OTUD3: variants seen among roughly 807,000 people sequenced by gnomAD.
OTUD3 encodes the protein OTU deubiquitinase 3.
Under a neutral mutation model 46.2 loss-of-function variants are expected in OTUD3, and 24 were observed. The observed-to-expected ratio is 0.52, with a 90% CI of 0.38 to 0.73. The LOEUF (loss-of-function observed/expected upper bound fraction) is 0.73, where lower values mean the gene tolerates loss of function less well. Among genes scored for constraint, OTUD3 ranks in the 30% least tolerant of loss-of-function variants. OTUD3 has a pLI of 0.00. For synonymous variants in OTUD3, 189 were observed against 195.4 expected (o/e 0.97, Z 0.27); for missense variants, 455 against 523.3 (o/e 0.87, Z 1.27).
intron 7 of OTUD3, chr1:19,906,823 C>A: frequency 2.1e-6 from 1 of 469,110 alleles, no homozygotes; most frequent in Non-Finnish European, 3.8e-6. Context: ...GAAGGAAATA[C>A]ACCCTGAAAT....
rs1422018584 is a variant in OTUD3, at chr1:19,907,563, C to T, written c.1021-7C>T. 6.2e-6 allele frequency: 10 copies of T among 1,613,716 alleles called. No individual in the cohort carries two copies. The highest frequency in any genetic ancestry group is 1.3e-5 in the African/African-American group (1 of 74,910). On this transcript the variant is annotated splice_polypyrimidine_tract_variant and splice_region_variant and intron_variant, in intron 7 of 7. Transcript: ENST00000375120. Reference sequence around the variant, plus strand: ...TTCCTACTCACCACCATGGCCTTCTCTCTCAGGTCACAAACAAACAGAGGC... The same window carrying T: ...TTCCTACTCACCACCATGGCCTTCTTTCTCAGGTCACAAACAAACAGAGGC...
At position 19,911,762 on chromosome 1, in the gene OTUD3, A is replaced by G. The variant is rs931547385; in HGVS notation, c.*4016A>G. 1 of 152,212 alleles carries G rather than the reference A, an allele frequency of 6.6e-6. No individual in the cohort carries two copies. Among genetic ancestry groups the G allele is most frequent in the Middle Eastern group, 3.2e-3 (1 of 316 alleles). The allele number at this position is 152,212 out of a possible 1,614,324, so 9.4% of individuals were successfully genotyped here. ...CATAAATTACGACGTCTGCCATCGCATATTAGAAAGGGGACAGTCATATTT... is the reference window on the plus strand; with the variant it reads ...CATAAATTACGACGTCTGCCATCGCGTATTAGAAAGGGGACAGTCATATTT... On this transcript the variant is annotated 3_prime_UTR_variant, in exon 8 of 8. Coordinates refer to ENST00000375120, the MANE Select transcript of OTUD3 (RefSeq NM_015207.2).
intron 6 of OTUD3, among the ~76,000 whole-genome samples, chr1:19,906,165 T>G (rs1009290669): frequency 6.6e-6 from 1 of 152,254 alleles, no homozygotes; most frequent in African/African-American, 2.4e-5. Flanking sequence ...AAATTCATGT[T>G]AAGACATAAT....
At chr1:19,892,771 C>T (rs1305791608) in intron 2 of OTUD3, among the ~76,000 whole-genome samples, 1 of 152,182 alleles carries the variant, frequency 6.6e-6, no homozygotes. Context: ...CTCTTGATTT[C>T]CTCAGTCTGT....
At chr1:19,900,388 C>T (rs1471964871) in intron 4 of OTUD3, among the ~76,000 whole-genome samples, 2 of 152,016 alleles carry the variant, frequency 1.3e-5, no homozygotes, top group African/African-American at 2.4e-5. Context: ...CAGGGTCTCA[C>T]TTTGTTGCCC....
At chr1:19,891,238 A>G (rs1351545397) in intron 2 of OTUD3, among the ~76,000 whole-genome samples, 2 of 152,262 alleles carry the variant, frequency 1.3e-5, no homozygotes, top group African/African-American at 4.8e-5. Flanking sequence ...GTTCCTATTT[A>G]ATAGGCATAG....
At chr1:19,884,898 G>T (rs182010331) in intron 1 of OTUD3, among the ~76,000 whole-genome samples, 15 of 152,250 alleles carry the variant, frequency 9.9e-5, no homozygotes, top group African/African-American at 3.6e-4. Flanking sequence ...GATTATAATG[G>T]TACTATTGAG....
At chr1:19,894,951 G>A (rs570012386) in intron 3 of OTUD3, among the ~76,000 whole-genome samples, 20 of 152,110 alleles carry the variant, frequency 1.3e-4, no homozygotes, top group Admixed American at 2.6e-4. Flanking sequence ...GAAAAAGCTC[G>A]TAAAGAGAAA....
chr1:19,893,923 C>T (rs950495416), intron 2 of OTUD3, among the ~76,000 whole-genome samples: 2 of 152,250 alleles, frequency 1.3e-5, no homozygotes, highest in African/African-American at 4.8e-5. Context: ...TGTACCAGCT[C>T]TTTGACCTTG....
intron 4 of OTUD3, among the ~76,000 whole-genome samples, chr1:19,898,147 C>T (rs917726677): frequency 7.9e-5 from 12 of 151,950 alleles, no homozygotes; most frequent in South Asian, 4.2e-4. Flanking sequence ...GGGGTTTCTC[C>T]ATGTTGGTCA....
At chr1:19,893,455 T>A (rs539675916) in intron 2 of OTUD3, among the ~76,000 whole-genome samples, 1 of 152,214 alleles carries the variant, frequency 6.6e-6, no homozygotes, top group African/African-American at 2.4e-5. Flanking sequence ...ATTCTCCTCA[T>A]AGCATCTGTG....
At chr1:19,887,085 T>G (rs2045373691) in intron 1 of OTUD3, among the ~76,000 whole-genome samples, 1 of 148,244 alleles carries the variant, frequency 6.7e-6, no homozygotes, top group Non-Finnish European at 1.5e-5. Flanking sequence ...TCTTTTTCTT[T>G]TTTTTTTTTT....
chr1:19,894,452 T>G lies in OTUD3; in HGVS notation c.455T>G (p.Ile152Ser), dbSNP rs1429729097. ...FARNHQLNVV[I>S]HQLNAPLWQI... ...AGAAATCATCAGTTGAATGTAGTGA[T>G]TCATCAACTTAATGCCCCTTTGTGG... Residue 152 changes from isoleucine (I) to serine (S), a missense_variant, in exon 3 of 8, where the codon ATT (isoleucine) becomes AGT (serine). By Grantham distance (142) the Ile-to-Ser change is moderately radical. Coordinates refer to ENST00000375120, the MANE Select transcript of OTUD3 (RefSeq NM_015207.2). 1.2e-6 allele frequency: 2 copies of G among 1,604,092 alleles called. No homozygotes were observed. Among genetic ancestry groups the G allele is most frequent in the South Asian group, 2.2e-5 (2 of 89,720 alleles).
At chr1:19,887,188 G>C (rs982251417) in intron 1 of OTUD3, among the ~76,000 whole-genome samples, 4 of 151,336 alleles carry the variant, frequency 2.6e-5, no homozygotes, top group Non-Finnish European at 5.9e-5. Flanking sequence ...AGGTTCAAGC[G>C]ATTCTCCTGC....
Position 19,886,382 on chromosome 1 carries a change from T to G in OTUD3, c.221+3648T>G, listed in dbSNP as rs1014282211. 5.9e-5 allele frequency among the ~76,000 whole-genome samples: 9 copies of G among 152,338 alleles called. No individual in the cohort carries two copies. In the East Asian group the frequency reaches 1.5e-3, roughly 26 times the overall value. ...AGTAGTTTATTTTTTAGTTTTGTTT[T>G]TAATATTGCAGGATCACAGTAGTAG... On this transcript the variant is annotated intron_variant, in intron 1 of 7. Coordinates refer to ENST00000375120, the MANE Select transcript of OTUD3 (RefSeq NM_015207.2).
Position 19,911,431 on chromosome 1 carries a change from C to G in OTUD3, c.*3685C>G, listed in dbSNP as rs912223196. On this transcript the variant is annotated 3_prime_UTR_variant, in exon 8 of 8. Transcript: ENST00000375120. ...TTGAGACAGAGTCTTGCTTTGTTGC[C>G]CAGGCTGGAGTGTGGTGGGGCAATC... The G allele has an allele frequency of 2.1e-5, 3 of 145,874 alleles. No homozygotes were observed. Among genetic ancestry groups the G allele is most frequent in the Non-Finnish European group, 4.5e-5 (3 of 67,046 alleles). 9.0% of individuals were successfully genotyped at this position (145,874 alleles called of 1,614,324 possible).
chr1:19,892,814 G>T (rs1444683530), intron 2 of OTUD3, among the ~76,000 whole-genome samples: 1 of 152,146 alleles, frequency 6.6e-6, no homozygotes, highest in Non-Finnish European at 1.5e-5. Flanking sequence ...GGATCTAAAT[G>T]TGTTTTTCCT....
rs1168901215 is a variant in OTUD3 at position 19,903,604 on chromosome 1, G to C, written c.607-663G>C. On this transcript the variant is annotated intron_variant, in intron 4 of 7. Transcript: ENST00000375120. Reference sequence around the variant, plus strand: ...CAATGGGAAGCAGAAGAAGAAGGTGGTTGAGCATCTACAGAGGGATGATTT... The same window carrying C: ...CAATGGGAAGCAGAAGAAGAAGGTGCTTGAGCATCTACAGAGGGATGATTT... Among the ~76,000 whole-genome samples, 7 of 152,332 alleles carry C rather than the reference G, an allele frequency of 4.6e-5. No homozygotes were observed. In the East Asian group the frequency reaches 5.8e-4, roughly 13 times the overall value.
chr1:19,882,431 G>T lies in OTUD3; in HGVS notation c.-83G>T. On this transcript the variant is annotated 5_prime_UTR_variant, in exon 1 of 8. Transcript: ENST00000375120. ...GTCGCCGGGCTCCGTTGCCCGCGCTGTTTTACCTTCCCAACGCTTGAGGCG... is the reference window on the plus strand; with the variant it reads ...GTCGCCGGGCTCCGTTGCCCGCGCTTTTTTACCTTCCCAACGCTTGAGGCG... 7.6e-7 allele frequency: 1 copy of T among 1,309,472 alleles called. No individual in the cohort carries two copies. The highest frequency in any genetic ancestry group is 9.7e-7 in the Non-Finnish European group (1 of 1,035,080). 81.1% of individuals were successfully genotyped at this position (1,309,472 alleles called of 1,614,324 possible). A position where few individuals can be genotyped will look rare whatever the true frequency, so the allele number is the denominator to read the frequency against.
Sources: gnomAD v4.1 joint callset for allele counts (sites outside exome capture counted in the v4.1 genomes callset) on GRCh38, gnomAD v4.1.1 for gene constraint, MANE v1.5 for transcripts, NCBI Gene and HGNC (gene_info 2026-07-23, HGNC 2026-07-21) for gene names.